The following GIGYF2 variants were observed in gnomAD, a reference collection of about 807,000 sequenced individuals.
GIGYF2 encodes GRB10 interacting GYF protein 2, also known as GRB10-interacting GYF protein 2.
In GIGYF2, 25 loss-of-function variants were observed where a neutral mutation model predicts 208.1. The observed-to-expected ratio is 0.12, with a 90% CI of 0.09 to 0.17. GIGYF2 has a LOEUF of 0.17. Ranked by LOEUF, GIGYF2 falls within the 10% of genes least tolerant of loss-of-function variation. GIGYF2 has a pLI of 1.00. For missense variants in GIGYF2, 1,302 were observed against 1,579.4 expected (o/e 0.82, Z 2.98); for synonymous variants, 534 against 543.8 (o/e 0.98, Z 0.25).
chr2:232,718,474 A>C (rs1043214345), intron 2 of GIGYF2, among the ~76,000 whole-genome samples: 24 of 152,150 alleles, frequency 1.6e-4, no homozygotes, highest in African/African-American at 5.8e-4. Flanking sequence ...GTTGATGTAC[A>C]TTTACATTGA....
At chr2:232,766,521 A>G (rs1698969446) in intron 8 of GIGYF2, 2 of 152,378 alleles carry the variant, frequency 1.3e-5, no homozygotes, top group Non-Finnish European at 2.9e-5. Flanking sequence ...AATTTATTAT[A>G]GAAATAAGAA....
At chr2:232,716,761 G>A (rs1002908997) in intron 2 of GIGYF2, among the ~76,000 whole-genome samples, 4 of 151,872 alleles carry the variant, frequency 2.6e-5, no homozygotes, top group African/African-American at 7.3e-5. Context: ...ATATGTTATC[G>A]GAAGACATTC....
At chr2:232,709,956 ATATTTATT>A (rs890760589) in intron 2 of GIGYF2, among the ~76,000 whole-genome samples, 1 of 150,920 alleles carries the variant, frequency 6.6e-6, no homozygotes, top group Non-Finnish European at 1.5e-5. Flanking sequence ...ACAAAGTTAT[ATATTTATT>A]TATTTATTTA....
intron 9 of GIGYF2, chr2:232,788,493 G>A (rs1051555942): frequency 4.4e-6 from 2 of 453,010 alleles, no homozygotes; most frequent in Non-Finnish European, 9.2e-6. Flanking sequence ...CGTAGGCAGA[G>A]GGTTTGTAGA....
chr2:232,759,432 A>C lies in GIGYF2; in HGVS notation c.380-1048A>C, dbSNP rs74476570. 5.1e-3 allele frequency among the ~76,000 whole-genome samples: 777 copies of C among 152,008 alleles called. 4 individuals are homozygous for C. The highest frequency in any genetic ancestry group is 0.018 in the African/African-American group (752 of 41,440). On this transcript the variant is annotated intron_variant, in intron 6 of 28. Transcript: ENST00000373563. The stretch of plus-strand genomic sequence containing the variant: ...TTGTTGGGAAAACTGTACATAAAGT[A>C]TGAAGCTAAAAGTGCATACGGTCTT...
rs77362341 is a variant in GIGYF2, at chr2:232,745,440, C to T, written c.42-2175C>T. Among the ~76,000 whole-genome samples, 783 of 152,170 alleles carry T rather than the reference C, an allele frequency of 5.1e-3. 4 individuals are homozygous for T. Among genetic ancestry groups the T allele is most frequent in the African/African-American group, 0.018 (756 of 41,520 alleles). ...ACCCAGGAGCCAACCTGAAGAGTCT[C>T]CCACTCTTCAAAGATGAGACAGTTT... On this transcript the variant is annotated intron_variant, in intron 3 of 28. Coordinates refer to ENST00000373563, the MANE Select transcript of GIGYF2 (RefSeq NM_001103146.3).
intron 8 of GIGYF2, chr2:232,767,915 A>G: frequency 2.3e-6 from 1 of 430,080 alleles, no homozygotes; most frequent in Non-Finnish European, 4.3e-6. Flanking sequence ...CTAGTATCAT[A>G]CCACATTCTT....
intron 1 of GIGYF2, among the ~76,000 whole-genome samples, chr2:232,702,281 A>G (rs144910234): frequency 2.7e-3 from 409 of 151,944 alleles, no homozygotes; most frequent in African/African-American, 9.6e-3. Context: ...TCTACTAAAA[A>G]TACAAAAATT....
intron 16 of GIGYF2, chr2:232,810,861 A>G (rs1346691019): frequency 4.3e-6 from 1 of 232,100 alleles, no homozygotes; most frequent in South Asian, 5.5e-5. Flanking sequence ...AGGGTACGTC[A>G]TATGGTTAAA....
At chr2:232,783,008 TC>T (rs1699772100) in intron 8 of GIGYF2, among the ~76,000 whole-genome samples, 1 of 152,236 alleles carries the variant, frequency 6.6e-6, no homozygotes, top group Non-Finnish European at 1.5e-5. Context: ...AAAAATGTTT[TC>T]TTAAAGAGGT....
intron 3 of GIGYF2, among the ~76,000 whole-genome samples, chr2:232,743,758 T>G (rs1307882637): frequency 6.6e-6 from 1 of 152,244 alleles, no homozygotes; most frequent in Non-Finnish European, 1.5e-5. Context: ...CTCAGGCAAC[T>G]GTCTTTTAGT....
Position 232,800,546 on chromosome 2 carries a change from A to T in GIGYF2, c.1639+4325A>T, listed in dbSNP as rs529691129. Among the ~76,000 whole-genome samples, 11 of 151,292 alleles carry T rather than the reference A, an allele frequency of 7.3e-5. No individual in the cohort carries two copies. In the South Asian group the frequency reaches 2.3e-3, roughly 32 times the overall value. ...TATCTTTGCAATAAATTTTGAAATC[A>T]GGAAATGTGAGTCCTCCAGCTTTGT... On this transcript the variant is annotated intron_variant, in intron 14 of 28. Transcript: ENST00000373563.
Position 232,756,354 on chromosome 2 carries a change from A to C in GIGYF2, c.379+20A>C, listed in dbSNP as rs1264745115. 1.6e-6 allele frequency: 2 copies of C among 1,271,212 alleles called. No homozygotes were observed. The highest frequency in any genetic ancestry group is 1.3e-5 in the South Asian group (1 of 75,286). 78.7% of individuals were successfully genotyped at this position (1,271,212 alleles called of 1,614,324 possible). ...GGCGAGGTGAGCTTTCATATGAAAA[A>C]AGTAATAATGGAGGAGGAGGAGGAG... On this transcript the variant is annotated intron_variant, in intron 6 of 28. Transcript: ENST00000373563.
rs1261649348 is a variant in GIGYF2 at position 232,771,294 on chromosome 2, C to G, written c.532+9858C>G. Reference sequence around the variant, plus strand: ...CCATTTGAAGTGTGCTGTGGCCATCCTTGGTGACCATCCTCCGGTATCTTT... The same window carrying G: ...CCATTTGAAGTGTGCTGTGGCCATCGTTGGTGACCATCCTCCGGTATCTTT... On this transcript the variant is annotated intron_variant, in intron 8 of 28. Coordinates refer to ENST00000373563, the MANE Select transcript of GIGYF2 (RefSeq NM_001103146.3). The G allele has an allele frequency of 3.7e-6, 6 of 1,610,154 alleles. No homozygotes were observed. Among genetic ancestry groups the G allele is most frequent in the Non-Finnish European group, 5.1e-6 (6 of 1,177,906 alleles).
rs373623856 is a variant in GIGYF2, at chr2:232,795,910, G to C, written c.1480-152G>C. ...AAAATGGGGATAGTACCTGTTTCATGGCATTGTTGGGAGAAGTTACCTGCT... is the reference window on the plus strand; with the variant it reads ...AAAATGGGGATAGTACCTGTTTCATCGCATTGTTGGGAGAAGTTACCTGCT... On this transcript the variant is annotated intron_variant, in intron 13 of 28. Transcript: ENST00000373563. 2.8e-4 allele frequency: 188 copies of C among 666,126 alleles called. 2 individuals carry two copies. The South Asian group carries it at 3.0e-3, about 11-fold the overall frequency. The allele number at this position is 666,126 out of a possible 1,614,324, so 41.3% of individuals were successfully genotyped here. A position where few individuals can be genotyped will look rare whatever the true frequency, so the allele number is the denominator to read the frequency against.
At chr2:232,748,940 A>C (rs751857562) in intron 4 of GIGYF2, 47 bp from the exon 5 acceptor site, 4 of 847,714 alleles carry the variant, frequency 4.7e-6, no homozygotes, top group Non-Finnish European at 6.2e-6. Context: ...ATTTCTTCTT[A>C]TTGCAGAAAT....
intron 23 of GIGYF2, among the ~76,000 whole-genome samples, chr2:232,842,241 A>T (rs1701841995): frequency 6.6e-6 from 1 of 151,924 alleles, no homozygotes; most frequent in South Asian, 2.1e-4. Flanking sequence ...CCCAGGCTGG[A>T]GTGCAGTGGT....
intron 8 of GIGYF2, among the ~76,000 whole-genome samples, chr2:232,780,195 T>C (rs1699665033): frequency 6.6e-6 from 1 of 152,198 alleles, no homozygotes; most frequent in Non-Finnish European, 1.5e-5. Context: ...TGCACACAGG[T>C]GCCCTTTTAC....
chr2:232,834,913 G>A (rs1028146038), intron 22 of GIGYF2, among the ~76,000 whole-genome samples: 5 of 152,120 alleles, frequency 3.3e-5, no homozygotes, highest in Non-Finnish European at 5.9e-5. Flanking sequence ...TTGCACAGTG[G>A]TGAAGTCCAG....
Sources: allele counts gnomAD v4.1 joint callset (sites outside exome capture counted in the v4.1 genomes callset), GRCh38; gene constraint gnomAD v4.1.1; transcripts MANE v1.5; gene names NCBI Gene and HGNC (gene_info 2026-07-23, HGNC 2026-07-21).